The following STK11IP variants were observed in gnomAD, a reference collection of about 807,000 sequenced individuals.
STK11IP encodes serine/threonine-protein kinase 11-interacting protein.
STK11IP carries 103 observed loss-of-function variants against 131.7 expected under a neutral mutation model. The observed-to-expected ratio is 0.78, with a 90% CI of 0.67 to 0.92. The LOEUF is 0.92. Among genes scored for constraint, STK11IP ranks in the 40% least tolerant of loss-of-function variants. The pLI is 0.00. For synonymous variants in STK11IP, 557 were observed against 575.6 expected (o/e 0.97, Z 0.46); for missense variants, 1,315 against 1,385.7 (o/e 0.95, Z 0.81).
At chr2:219,606,144 GGGAGGGCCA>G in intron 9 of STK11IP, 42 bp from the exon 10 acceptor site, 5 of 1,538,984 alleles carry the variant, frequency 3.2e-6, no homozygotes, top group Non-Finnish European at 4.4e-6. Context: ...TCTTCACACA[GGGAGGGCCA>G]GGGCCCCAGG....
At chr2:219,613,010 G>C in intron 19 of STK11IP, 118 bp from the exon 20 acceptor site, 1 of 700,704 alleles carries the variant, frequency 1.4e-6, no homozygotes, top group South Asian at 1.7e-5. Context: ...CCATAGACTG[G>C]TGGGTGGGCA....
intron 7 of STK11IP, among the ~76,000 whole-genome samples, chr2:219,603,833 T>C (rs1698068426): frequency 6.6e-6 from 1 of 152,154 alleles, no homozygotes; most frequent in Non-Finnish European, 1.5e-5. Flanking sequence ...TAAGGACAGA[T>C]TTTTTATCAG....
chr2:219,607,272 T>G, intron 13 of STK11IP, 135 bp downstream of exon 13: 3 of 830,780 alleles, frequency 3.6e-6, no homozygotes, highest in South Asian at 3.7e-5. Flanking sequence ...TCTTAGTCTT[T>G]TTTCTTTTCT....
intron 2 of STK11IP, chr2:219,598,400 C>T: frequency 2.1e-6 from 1 of 477,038 alleles, no homozygotes; most frequent in South Asian, 3.7e-5. Context: ...GGGCGGTATC[C>T]CTCCCTCCGT....
chr2:219,607,285 T>C, intron 13 of STK11IP, 148 bp downstream of exon 13: 2 of 789,340 alleles, frequency 2.5e-6, no homozygotes, highest in South Asian at 3.8e-5. Flanking sequence ...TCTTTTCTTT[T>C]AGTTTAGGGA....
intron 8 of STK11IP, 39 bp downstream of exon 8, chr2:219,605,773 AG>A: frequency 6.4e-7 from 1 of 1,574,584 alleles, no homozygotes. Context: ...ATGGAGGGGA[AG>A]GGGGAGAGTG....
chr2:219,610,560 A>T (rs1474055096), intron 17 of STK11IP, among the ~76,000 whole-genome samples: 1 of 151,812 alleles, frequency 6.6e-6, no homozygotes. Context: ...CCACCACCAC[A>T]CCCAGCTAAT....
chr2:219,605,919 T>G, intron 8 of STK11IP, 37 bp from the exon 9 acceptor site: 2 of 1,547,310 alleles, frequency 1.3e-6, no homozygotes, highest in Non-Finnish European at 1.8e-6. Flanking sequence ...CGTGTACTCA[T>G]CCACATGCTC....
chr2:219,607,904 G>T, intron 13 of STK11IP, 143 bp from the exon 14 acceptor site: 1 of 1,088,064 alleles, frequency 9.2e-7, no homozygotes, highest in Non-Finnish European at 1.3e-6. Context: ...AGTACATGCC[G>T]CGGAGGGGAC....
intron 14 of STK11IP, 27 bp from the exon 15 acceptor site, chr2:219,608,556 A>G (rs755583475): frequency 1.3e-6 from 2 of 1,557,988 alleles, no homozygotes; most frequent in Non-Finnish European, 1.7e-6. Context: ...CCCTCCCTGC[A>G]GGCCTTTTCT....
chr2:219,611,948 C>A lies in STK11IP; in HGVS notation c.2336-7C>A, dbSNP rs749771214. The A allele has an allele frequency of 8.6e-5, 136 of 1,587,680 alleles. No individual in the cohort carries two copies. The highest frequency in any genetic ancestry group is 1.1e-4 in the Non-Finnish European group (133 of 1,167,664). On this transcript the variant is annotated splice_region_variant and splice_polypyrimidine_tract_variant and intron_variant, in intron 18 of 24. Transcript: ENST00000456909. ...TGGGCAGGCTGATGCCCCCTCATTG[C>A]CCTCAGCCCCTGAGCGCTGTGGCCT...
At chr2:219,614,315 T>C (rs569240867) in intron 22 of STK11IP, 73 bp downstream of exon 22, 1 of 1,583,902 alleles carries the variant, frequency 6.3e-7, no homozygotes, top group African/African-American at 1.3e-5. Context: ...CATGGCCCTG[T>C]GCTGAGTAGG....
chr2:219,615,791 A>T (rs988273961), intron 24 of STK11IP: 15 of 696,056 alleles, frequency 2.2e-5, no homozygotes, highest in Admixed American at 1.6e-4. Flanking sequence ...AGTTCCCTGA[A>T]ATTGAGCCCG....
chr2:219,615,464 C>G (rs1698544284), intron 24 of STK11IP, 123 bp downstream of exon 24: 2 of 1,313,494 alleles, frequency 1.5e-6, no homozygotes, highest in Non-Finnish European at 2.1e-6. Flanking sequence ...ATGGCACTTA[C>G]AGATGAGAGA....
intron 23 of STK11IP, 170 bp from the exon 24 acceptor site, chr2:219,614,924 G>A (rs1186723682): frequency 1.3e-6 from 1 of 773,912 alleles, no homozygotes. Context: ...CCAGAGTAGA[G>A]ATTCATGGAG....
In STK11IP at chr2:219,606,301, G is replaced by A. The variant is rs764801163; in HGVS notation, c.945+11G>A. ...GATGCTGCTACTGGCGTGAGTGATC[G>A]TCCTGTGTCCACTCTTCTTCCCCTT... On this transcript the variant is annotated intron_variant, in intron 10 of 24. Transcript: ENST00000456909. 1.6e-5 allele frequency: 25 copies of A among 1,558,540 alleles called. No homozygotes were observed. The highest frequency in any genetic ancestry group is 1.7e-4 in the Middle Eastern group (1 of 6,002).
intron 17 of STK11IP, among the ~76,000 whole-genome samples, chr2:219,611,197 G>A (rs774907443): frequency 1.3e-5 from 2 of 152,214 alleles, no homozygotes; most frequent in South Asian, 2.1e-4. Flanking sequence ...GAATTGGACC[G>A]AAATTTGGCA....
At chr2:219,606,655 A>C in intron 11 of STK11IP, 57 bp from the exon 12 acceptor site, 4 of 1,593,064 alleles carry the variant, frequency 2.5e-6, no homozygotes, top group Non-Finnish European at 1.7e-6. Flanking sequence ...TGGCTTGGGC[A>C]AGGCAGAGGT....
chr2:219,608,938 C>A, intron 15 of STK11IP, 150 bp downstream of exon 15: 1 of 1,104,300 alleles, frequency 9.1e-7, no homozygotes, highest in Non-Finnish European at 1.3e-6. Flanking sequence ...ACTCGGGAAG[C>A]TGGGCTGAGG....
Sources: gnomAD v4.1 joint callset for allele counts (sites outside exome capture counted in the v4.1 genomes callset) on GRCh38, gnomAD v4.1.1 for gene constraint, MANE v1.5 for transcripts, NCBI Gene and HGNC (gene_info 2026-07-23, HGNC 2026-07-21) for gene names.